Variants in TSNARE1 observed in about 807,000 individuals in gnomAD.
The protein encoded by TSNARE1 is t-SNARE domain-containing protein 1.
TSNARE1 carries 49 observed loss-of-function variants against 62.0 expected under a neutral mutation model. The ratio of observed to expected loss-of-function variants is 0.79; its 90% CI spans 0.63 to 1.00. The LOEUF is 1.00. TSNARE1 is among the 50% of genes least tolerant of loss of function. TSNARE1 has a pLI of 0.00. For synonymous variants in TSNARE1, 328 were observed against 294.4 expected (o/e 1.11, Z -1.17); for missense variants, 755 against 700.1 (o/e 1.08, Z -0.88).
chr8:142,353,118 G>T (rs1034395482), intron 2 of TSNARE1, among the ~76,000 whole-genome samples: 6 of 151,982 alleles, frequency 3.9e-5, no homozygotes, highest in Admixed American at 3.9e-4. Context: ...CTTCTCCAGG[G>T]TCCCCCTCTA....
chr8:142,336,257 G>T, intron 4 of TSNARE1, among the ~76,000 whole-genome samples: 1 of 119,760 alleles, frequency 8.4e-6, no homozygotes, highest in Non-Finnish European at 1.6e-5. Flanking sequence ...TTTTAGCATG[G>T]ACAACAGAGC....
rs1314021874 is a variant in TSNARE1 at position 142,300,635 on chromosome 8, C to T, written c.1141G>A (p.Ala381Thr). The T allele has an allele frequency of 6.2e-7, 1 of 1,613,058 alleles. No individual in the cohort carries two copies. The highest frequency in any genetic ancestry group is 8.5e-7 in the Non-Finnish European group (1 of 1,179,710). The change falls in exon 10 of 14, where the codon GCC becomes ACC. Residue 381 changes from alanine (A) to threonine (T), a missense_variant. Transcript: ENST00000524325. Reference sequence around the variant, plus strand: ...TCATCAGCCAGCTCGGCAAACGGGGCCTGGGGACTCTGCTGATGACAGACA... The same window carrying T: ...TCATCAGCCAGCTCGGCAAACGGGGTCTGGGGACTCTGCTGATGACAGACA... ...AQRGSKQSPQ[A>T]PFAELADDEK... is the part of the protein sequence containing the mutation.
At chr8:142,360,940 A>C (rs6583618) in intron 1 of TSNARE1, among the ~76,000 whole-genome samples, 1 of 152,142 alleles carries the variant, frequency 6.6e-6, no homozygotes, top group Non-Finnish European at 1.5e-5. Flanking sequence ...GCAGGGGGCC[A>C]GGCCCCCACA....
chr8:142,397,441 A>C (rs1183850068), intron 1 of TSNARE1, among the ~76,000 whole-genome samples: 1 of 152,158 alleles, frequency 6.6e-6, no homozygotes, highest in Non-Finnish European at 1.5e-5. Flanking sequence ...GGATCAGACT[A>C]ATGACATGGA....
At chr8:142,265,013 A>C (rs1403907984) in intron 12 of TSNARE1, among the ~76,000 whole-genome samples, 1 of 151,910 alleles carries the variant, frequency 6.6e-6, no homozygotes, top group Non-Finnish European at 1.5e-5. Context: ...TATTCAACAT[A>C]GGTTTTTGTT....
At chr8:142,304,113 T>G (rs566706866) in intron 9 of TSNARE1, among the ~76,000 whole-genome samples, 3 of 152,214 alleles carry the variant, frequency 2.0e-5, no homozygotes, top group African/African-American at 7.2e-5. Context: ...AATATGTGGA[T>G]AGATGAATAT....
intron 2 of TSNARE1, among the ~76,000 whole-genome samples, chr8:142,349,106 C>T (rs1451786417): frequency 6.6e-6 from 1 of 152,144 alleles, no homozygotes; most frequent in Non-Finnish European, 1.5e-5. Flanking sequence ...GAGCCAGGCT[C>T]GCCCCCATGC....
chr8:142,400,982 ACACT>A (rs1461355973), intron 1 of TSNARE1, among the ~76,000 whole-genome samples: 1 of 152,092 alleles, frequency 6.6e-6, no homozygotes, highest in Non-Finnish European at 1.5e-5. Flanking sequence ...CCACCTGCAG[ACACT>A]CACCACCCCT....
intron 6 of TSNARE1, among the ~76,000 whole-genome samples, chr8:142,328,755 C>T (rs1211504068): frequency 6.6e-6 from 1 of 151,754 alleles, no homozygotes; most frequent in African/African-American, 2.4e-5. Context: ...CACTGAGCCC[C>T]GCCCATGGGA....
chr8:142,309,773 T>C (rs1170714963), intron 9 of TSNARE1, among the ~76,000 whole-genome samples: 2 of 152,274 alleles, frequency 1.3e-5, no homozygotes, highest in East Asian at 3.9e-4. Context: ...GCAGGCAAGG[T>C]GTGCTTCCTC....
intron 10 of TSNARE1, among the ~76,000 whole-genome samples, chr8:142,295,527 G>C (rs560868528): frequency 2.6e-5 from 4 of 152,358 alleles, no homozygotes; most frequent in African/African-American, 9.6e-5. Context: ...GCCCCATGCA[G>C]GCCAAAGACG....
At chr8:142,402,199 G>A (rs530247747) in intron 1 of TSNARE1, among the ~76,000 whole-genome samples, 1 of 152,302 alleles carries the variant, frequency 6.6e-6, no homozygotes, top group South Asian at 2.1e-4. Flanking sequence ...CTGGCAGGAT[G>A]AGGGGCGGAG....
chr8:142,343,483 G>A (rs918837057), intron 4 of TSNARE1, among the ~76,000 whole-genome samples: 1 of 151,648 alleles, frequency 6.6e-6, no homozygotes, highest in South Asian at 2.1e-4. Context: ...TGCCCTTCTC[G>A]CCACGGCCGT....
At chr8:142,321,396 G>T (rs56245868) in intron 6 of TSNARE1, among the ~76,000 whole-genome samples, 1 of 151,976 alleles carries the variant, frequency 6.6e-6, no homozygotes, top group South Asian at 2.1e-4. Context: ...AAAGAGAAAA[G>T]AATAAAATCA....
chr8:142,350,435 CA>C (rs2130635513), intron 2 of TSNARE1, among the ~76,000 whole-genome samples: 1 of 152,314 alleles, frequency 6.6e-6, no homozygotes, highest in East Asian at 1.9e-4. Context: ...TAACGTTTGA[CA>C]ACTAGAGGAA....
intron 2 of TSNARE1, among the ~76,000 whole-genome samples, chr8:142,349,184 G>A (rs906691369): frequency 1.3e-5 from 2 of 152,236 alleles, no homozygotes; most frequent in African/African-American, 2.4e-5. Flanking sequence ...TCTTTCAGAT[G>A]TGTGTTCGGG....
At chr8:142,276,770 G>A in intron 11 of TSNARE1, 1 of 985,422 alleles carries the variant, frequency 1.0e-6, no homozygotes, top group Non-Finnish European at 1.2e-6. Flanking sequence ...AATGGGGACT[G>A]ATGTCCTGCT....
intron 11 of TSNARE1, among the ~76,000 whole-genome samples, chr8:142,281,907 C>T (rs1821546646): frequency 6.6e-6 from 1 of 152,142 alleles, no homozygotes; most frequent in Non-Finnish European, 1.5e-5. Context: ...CTGTCAGGTC[C>T]TTGATGGGTG....
chr8:142,395,403 C>T (rs1306416661), intron 1 of TSNARE1, among the ~76,000 whole-genome samples: 1 of 152,152 alleles, frequency 6.6e-6, no homozygotes, highest in African/African-American at 2.4e-5. Context: ...AGGAGGTCAC[C>T]AGTCGGGGCC....
Sources: gnomAD v4.1 joint callset for allele counts (sites outside exome capture counted in the v4.1 genomes callset) on GRCh38, gnomAD v4.1.1 for gene constraint, MANE v1.5 for transcripts, NCBI Gene and HGNC (gene_info 2026-07-23, HGNC 2026-07-21) for gene names.